CDCA2: variants seen among roughly 807,000 people sequenced by gnomAD.
CDCA2 encodes the protein cell division cycle-associated protein 2.
Under a neutral mutation model 67.0 loss-of-function variants are expected in CDCA2, and 44 were observed. The ratio of observed to expected loss-of-function variants is 0.66; its 90% CI spans 0.52 to 0.84. The LOEUF (loss-of-function observed/expected upper bound fraction) is 0.84, where lower values mean the gene tolerates loss of function less well. CDCA2 is among the 40% of genes least tolerant of loss of function. The pLI, the probability that CDCA2 is intolerant of heterozygous loss-of-function variation, is 0.00. For synonymous variants in CDCA2, 447 were observed against 418.7 expected, an observed-to-expected ratio of 1.07 and a Z score of -0.82; for missense variants, 1,253 against 1,203.2, an observed-to-expected ratio of 1.04 and a Z score of -0.61.
At chr8:25,465,401 C>A (rs1209436406) in intron 4 of CDCA2, among the ~76,000 whole-genome samples, 1 of 152,126 alleles carries the variant, frequency 6.6e-6, no homozygotes, top group African/African-American at 2.4e-5. Flanking sequence ...AAAAAAAAAT[C>A]TAGATAGAGA....
intron 14 of CDCA2, among the ~76,000 whole-genome samples, chr8:25,505,214 T>C (rs540780875): frequency 1.6e-4 from 25 of 152,250 alleles, no homozygotes; most frequent in African/African-American, 6.0e-4. Flanking sequence ...TGTTTGTTTG[T>C]TTTTTGAGAT....
chr8:25,468,920 A>G (rs1198206538), intron 6 of CDCA2, among the ~76,000 whole-genome samples: 1 of 152,114 alleles, frequency 6.6e-6, no homozygotes, highest in Non-Finnish European at 1.5e-5. Flanking sequence ...CCATTCAGCA[A>G]TTTCTCCTTT....
intron 13 of CDCA2, among the ~76,000 whole-genome samples, chr8:25,501,674 G>A (rs1371835773): frequency 2.0e-5 from 3 of 152,144 alleles, no homozygotes; most frequent in Admixed American, 6.5e-5. Context: ...CCGTGGAGCC[G>A]ATCTTGAACA....
At chr8:25,480,150 A>C in intron 8 of CDCA2, 26 bp downstream of exon 8, 1 of 1,575,878 alleles carries the variant, frequency 6.3e-7, no homozygotes, top group Non-Finnish European at 8.7e-7. Context: ...AATTTCCTAA[A>C]GCAAATGAAT....
intron 3 of CDCA2, 139 bp downstream of exon 3, chr8:25,460,693 A>G (rs1168308853): frequency 1.2e-6 from 1 of 831,028 alleles, no homozygotes; most frequent in Non-Finnish European, 1.8e-6. Context: ...TTCTTCAGAG[A>G]GACTTCTTTG....
chr8:25,462,161 A>G lies in CDCA2; in HGVS notation c.340A>G (p.Ile114Val), dbSNP rs1174742961. Residue 114 changes from isoleucine (I) to valine (V), a missense_variant, in exon 4 of 15, where the codon ATA becomes GTA. Physicochemically the swap from Ile to Val is conservative, Grantham distance 29 (BLOSUM62 3). Coordinates refer to ENST00000330560, the MANE Select transcript of CDCA2 (RefSeq NM_152562.4). Reference protein sequence around the residue: ...LIRFIARQQNIKNARKSPLAQ... With the variant: ...LIRFIARQQNVKNARKSPLAQ... ...TCGTTTCATTGCTCGGCAGCAAAAT[A>G]TAAAGAATGCTAGGAAATCTCCTTT... The G allele has an allele frequency of 9.3e-6, 15 of 1,614,090 alleles. No individual in the cohort carries two copies. Among genetic ancestry groups the G allele is most frequent in the Admixed American group, 8.3e-5 (5 of 60,008 alleles).
At chr8:25,470,866 A>G (rs1339686008) in intron 7 of CDCA2, among the ~76,000 whole-genome samples, 2 of 151,424 alleles carry the variant, frequency 1.3e-5, no homozygotes, top group African/African-American at 2.4e-5. Flanking sequence ...GGTTCAAGCC[A>G]TTCTTGTGTT....
chr8:25,467,998 A>G (rs1802982872), intron 5 of CDCA2, among the ~76,000 whole-genome samples: 2 of 151,508 alleles, frequency 1.3e-5, no homozygotes, highest in Admixed American at 1.3e-4. Context: ...TGAGCCTGTA[A>G]TCTCAGCTAT....
Position 25,460,627 on chromosome 8 carries a change from T to C in CDCA2, c.232+73T>C, listed in dbSNP as rs1802645276. 6 of 1,456,412 alleles carry C rather than the reference T, an allele frequency of 4.1e-6. No individual in the cohort carries two copies. In the South Asian group the frequency reaches 6.6e-5, roughly 16 times the overall value. The allele number at this position is 1,456,412 out of a possible 1,614,324, so 90.2% of individuals were successfully genotyped here. A position where few individuals can be genotyped will look rare whatever the true frequency, so the allele number is the denominator to read the frequency against. On this transcript the variant is annotated intron_variant, in intron 3 of 14. Coordinates refer to ENST00000330560, the MANE Select transcript of CDCA2 (RefSeq NM_152562.4). ...AACTTTAATATAACTCAGCTTTATT[T>C]GTTTATACGTACTGTCATATTTTAG... is the stretch of plus-strand genomic sequence containing the variant.
intron 13 of CDCA2, among the ~76,000 whole-genome samples, chr8:25,498,130 A>G (rs1255219676): frequency 4.6e-5 from 7 of 152,180 alleles, no homozygotes; most frequent in African/African-American, 1.7e-4. Context: ...ATTATGGGCC[A>G]AGGGAGAAAT....
chr8:25,469,068 C>T (rs1803049455), intron 6 of CDCA2, among the ~76,000 whole-genome samples: 1 of 152,256 alleles, frequency 6.6e-6, no homozygotes, highest in South Asian at 2.1e-4. Context: ...GAATGGAGAG[C>T]TGGTCTCTCG....
intron 13 of CDCA2, among the ~76,000 whole-genome samples, chr8:25,494,220 G>A (rs951117306): frequency 6.6e-6 from 1 of 152,026 alleles, no homozygotes; most frequent in Non-Finnish European, 1.5e-5. Context: ...AGCACTTTGG[G>A]AGGCTGATAT....
intron 8 of CDCA2, among the ~76,000 whole-genome samples, chr8:25,480,392 TC>T (rs1324053433): frequency 2.0e-5 from 3 of 152,256 alleles, no homozygotes; most frequent in Non-Finnish European, 4.4e-5. Flanking sequence ...TCTTACATAA[TC>T]TTATTGCACT....
Position 25,469,948 on chromosome 8 carries a change from T to G in CDCA2, c.788T>G (p.Leu263Arg). 6.2e-7 allele frequency: 1 copy of G among 1,611,832 alleles called. No homozygotes were observed. Residue 263 changes from leucine to arginine, a missense_variant, in exon 7 of 15, where the codon CTT becomes CGT. By Grantham distance (102) the Leu-to-Arg change is moderately radical. Coordinates refer to ENST00000330560, the MANE Select transcript of CDCA2 (RefSeq NM_152562.4). ...TQSGFLVEES[L>R]PLSELTETSN... ...TCTGGATTTTTAGTTGAAGAGTCTCTTCCCCTTTCAGAGCTCACAGAGACT... is the reference window on the plus strand; with the variant it reads ...TCTGGATTTTTAGTTGAAGAGTCTCGTCCCCTTTCAGAGCTCACAGAGACT...
At chr8:25,493,312 A>G (rs1237730284) in intron 13 of CDCA2, among the ~76,000 whole-genome samples, 1 of 152,222 alleles carries the variant, frequency 6.6e-6, no homozygotes, top group Non-Finnish European at 1.5e-5. Context: ...CTTCTCAACC[A>G]GAAGTAGCAT....
At chr8:25,497,512 A>T (rs7003328) in intron 13 of CDCA2, among the ~76,000 whole-genome samples, 8 of 144,898 alleles carry the variant, frequency 5.5e-5, no homozygotes, top group South Asian at 2.2e-4. Context: ...AAAATAAAAA[A>T]AAAAAAAACT....
chr8:25,495,700 G>C (rs1024106095), intron 13 of CDCA2, among the ~76,000 whole-genome samples: 2 of 152,148 alleles, frequency 1.3e-5, no homozygotes, highest in Non-Finnish European at 2.9e-5. Context: ...GATTACAGGC[G>C]TGAGCCACTG....
intron 14 of CDCA2, among the ~76,000 whole-genome samples, chr8:25,505,125 C>CTATCT (rs1804626888): frequency 1.3e-5 from 2 of 152,026 alleles, no homozygotes; most frequent in Admixed American, 6.6e-5. Context: ...TTCTCTTTTT[C>CTATCT]CTTTCCTCTC....
intron 3 of CDCA2, 150 bp from the exon 4 acceptor site, chr8:25,461,904 A>T: frequency 2.9e-6 from 2 of 684,432 alleles, no homozygotes; most frequent in Non-Finnish European, 4.9e-6. Flanking sequence ...CTGATTGTAT[A>T]TGAATGACTG....
Sources: allele counts gnomAD v4.1 joint callset (sites outside exome capture counted in the v4.1 genomes callset), GRCh38; gene constraint gnomAD v4.1.1; transcripts MANE v1.5; gene names NCBI Gene and HGNC (gene_info 2026-07-23, HGNC 2026-07-21).